The following OTOGL variants were observed in gnomAD, a reference collection of about 807,000 sequenced individuals.
OTOGL encodes the protein otogelin like.
A neutral mutation model predicts 318.5 loss-of-function variants in OTOGL; 285 were observed. The observed-to-expected ratio is 0.89, with a 90% confidence interval of 0.81 to 0.99. OTOGL has a LOEUF of 0.99. Among genes scored for constraint, OTOGL ranks in the 50% least tolerant of loss-of-function variants. The probability of loss-of-function intolerance (pLI) is 0.00; values close to 1 mark genes in which losing one functional copy is unlikely to be tolerated. For missense variants in OTOGL, 2,899 were observed against 2,845.6 expected (o/e 1.02, Z -0.43); for synonymous variants, 987 against 936.5 (o/e 1.05, Z -0.99).
At chr12:80,279,232 T>G in intron 26 of OTOGL, 66 bp downstream of exon 26, 2 of 1,387,748 alleles carry the variant, frequency 1.4e-6, no homozygotes, top group Non-Finnish European at 2.0e-6. Flanking sequence ...ACAAGTATGC[T>G]GGTCCCTGAT....
chr12:80,214,151 T>C (rs570855310), intron 4 of OTOGL, among the ~76,000 whole-genome samples: 1 of 152,354 alleles, frequency 6.6e-6, no homozygotes, highest in South Asian at 2.1e-4. Context: ...GGGACTTTTT[T>C]GCATTGGCAT....
At chr12:80,192,359 A>G (rs1176693759) in intron 1 of OTOGL, among the ~76,000 whole-genome samples, 2 of 152,226 alleles carry the variant, frequency 1.3e-5, no homozygotes, top group Non-Finnish European at 2.9e-5. Context: ...TGAGATGGCC[A>G]TAGCCTAAGA....
chr12:80,157,270 C>T (rs188805007), intron 1 of OTOGL, among the ~76,000 whole-genome samples: 8 of 152,082 alleles, frequency 5.3e-5, no homozygotes, highest in Non-Finnish European at 8.8e-5. Flanking sequence ...ATCTTTTGCC[C>T]GTTTTTAATG....
chr12:80,318,552 G>T lies in OTOGL; in HGVS notation c.3641G>T (p.Gly1214Val). The change falls in exon 33 of 59, where the codon GGA becomes GTA. Residue 1214 changes from glycine (G) to valine (V), a missense_variant. By Grantham distance (109) the Gly-to-Val change is moderately radical (BLOSUM62 -3). This residue lies in a region of OTOGL where 2,607 missense variants were observed against 2,524.9 expected (regional missense o/e 1.03). Coordinates refer to ENST00000547103, the MANE Select transcript of OTOGL (RefSeq NM_001378609.3). ...AATATTTATATTTAACTAGGACTTGGAGAAGGACCATATATGCTGGCAAGC... is the reference window on the plus strand; with the variant it reads ...AATATTTATATTTAACTAGGACTTGTAGAAGGACCATATATGCTGGCAAGC... ...LDCEYYNEGL[G>V]EGPYMLASYG... 7.6e-7 allele frequency: 1 copy of T among 1,313,756 alleles called. No homozygotes were observed. Among genetic ancestry groups the T allele is most frequent in the Non-Finnish European group, 9.8e-7 (1 of 1,021,682 alleles). The allele number at this position is 1,313,756 out of a possible 1,614,324, so 81.4% of individuals were successfully genotyped here.
At chr12:80,225,399 T>C (rs1426493835) in intron 7 of OTOGL, among the ~76,000 whole-genome samples, 1 of 152,160 alleles carries the variant, frequency 6.6e-6, no homozygotes, top group Non-Finnish European at 1.5e-5. Context: ...AGTTAGTAGA[T>C]ATTGTTTCTA....
rs1222716200 is a variant in OTOGL, at chr12:80,377,128, C to T, written c.6787C>T (p.Arg2263Ter). The change falls in exon 58 of 59, where the codon CGA becomes TGA. Residue 2263 changes from arginine to a stop codon, truncating the protein, a stop_gained. Transcript: ENST00000547103. LOFTEE classifies it high-confidence loss of function. The part of the protein sequence containing the change: ...YNEGCCKICK[R>*]EERICQKVII... The stretch of plus-strand genomic sequence containing the variant: ...TACATTTTATATTTTATCAGGCAAA[C>T]GAGAAGAAAGAATATGCCAGAAAGT... 33 of 1,601,112 alleles carry T rather than the reference C, an allele frequency of 2.1e-5. No individual in the cohort carries two copies. Among genetic ancestry groups the T allele is most frequent in the Admixed American group, 6.8e-5 (4 of 59,016 alleles).
intron 18 of OTOGL, 142 bp downstream of exon 18, chr12:80,258,144 G>T: frequency 1.3e-6 from 1 of 790,258 alleles, no homozygotes; most frequent in Non-Finnish European, 1.9e-6. Context: ...TATTTAAAAT[G>T]TATAGCAATC....
At chr12:80,288,861 A>G (rs1469847350) in intron 26 of OTOGL, among the ~76,000 whole-genome samples, 1 of 152,032 alleles carries the variant, frequency 6.6e-6, no homozygotes, top group Non-Finnish European at 1.5e-5. Flanking sequence ...TTTAGCTCTG[A>G]AGAGTTTGTT....
chr12:80,316,284 C>A (rs1175994098), intron 32 of OTOGL, among the ~76,000 whole-genome samples: 1 of 152,160 alleles, frequency 6.6e-6, no homozygotes, highest in East Asian at 1.9e-4. Flanking sequence ...AGACAACAAT[C>A]TGAGAAAATG....
Position 80,257,832 on chromosome 12 carries a change from T to A in OTOGL, c.1719T>A (p.Val573=), listed in dbSNP as rs544300801. ...PNQGFNLNGI[V]EIQTLSSLFI... ...TATGTTCTTTTCCTGCAGGTATTGT[T>A]GAAATTCAAACTCTGTCATCCTTAT... The change falls in exon 18 of 59, where the codon GTT becomes GTA. Residue 573 remains valine, a synonymous_variant. Coordinates refer to ENST00000547103, the MANE Select transcript of OTOGL (RefSeq NM_001378609.3). The A allele has an allele frequency of 6.3e-7, 1 of 1,574,854 alleles. No homozygotes were observed. The highest frequency in any genetic ancestry group is 2.2e-5 in the East Asian group (1 of 44,668).
intron 27 of OTOGL, 83 bp from the exon 28 acceptor site, chr12:80,302,551 G>C: frequency 1.1e-6 from 1 of 944,390 alleles, no homozygotes; most frequent in Non-Finnish European, 1.4e-6. Flanking sequence ...ATAGTTGTTG[G>C]TAAATGTTAA....
In OTOGL at chr12:80,372,365, C is replaced by T. The variant is rs12296609; in HGVS notation, c.6781+301C>T. Among the ~76,000 whole-genome samples the T allele has an allele frequency of 0.1, 15,900 of 151,704 alleles. 1,762 individuals carry two copies. The highest frequency in any genetic ancestry group is 0.28 in the African/African-American group (11,566 of 41,346). On this transcript the variant is annotated intron_variant, in intron 57 of 58. Transcript: ENST00000547103. ...TAATTTAAATATTTTTTTATTGTGGCATATTACAAAAGGTATTTCATAAGA... is the reference window on the plus strand; with the variant it reads ...TAATTTAAATATTTTTTTATTGTGGTATATTACAAAAGGTATTTCATAAGA...
At position 80,101,233 on chromosome 12, in the gene OTOGL, G is replaced by T. The variant is rs186023295; in HGVS notation, c.-20+1628G>T. Among the ~76,000 whole-genome samples, 7 of 152,300 alleles carry T rather than the reference G, an allele frequency of 4.6e-5. No homozygotes were observed. In the East Asian group the frequency reaches 1.3e-3, roughly 29 times the overall value. On this transcript the variant is annotated intron_variant, in intron 1 of 58. Coordinates refer to ENST00000547103, the MANE Select transcript of OTOGL (RefSeq NM_001378609.3). ...ACGTGAAAGGTTGATGTTTCCGCAA[G>T]AGTTCAAATACAATGGTGTGGTACA...
At chr12:80,169,918 C>CA (rs1476778393) in intron 1 of OTOGL, among the ~76,000 whole-genome samples, 4 of 152,146 alleles carry the variant, frequency 2.6e-5, no homozygotes, top group African/African-American at 9.7e-5. Context: ...CATTAAAGGA[C>CA]ATTTGAGTTA....
chr12:80,302,671 A>G lies in OTOGL; in HGVS notation c.3101A>G (p.Tyr1034Cys). The G allele has an allele frequency of 2.1e-6, 3 of 1,407,428 alleles. No individual in the cohort carries two copies. Among genetic ancestry groups the G allele is most frequent in the Non-Finnish European group, 2.8e-6 (3 of 1,078,726 alleles). The allele number at this position is 1,407,428 out of a possible 1,614,324, so 87.2% of individuals were successfully genotyped here. The change falls in exon 28 of 59, where the codon TAC becomes TGC. Residue 1034 changes from tyrosine (Y) to cysteine (C), a missense_variant. This residue lies in a region of OTOGL where 2,607 missense variants were observed against 2,524.9 expected (regional missense o/e 1.03). Transcript: ENST00000547103. ...TTTTTTCTGGAAAACAAATCTACCT[A>G]CCAGCTTTGGAAGGCTGGTTACTAT... ...SGFFLENKST[Y>C]QLWKAGYYIV...
chr12:80,236,380 T>A (rs1879845950), intron 9 of OTOGL, among the ~76,000 whole-genome samples: 1 of 152,192 alleles, frequency 6.6e-6, no homozygotes, highest in Non-Finnish European at 1.5e-5. Context: ...TTAATTTTAG[T>A]TTAGCAGGCT....
Position 80,242,470 on chromosome 12 carries a change from A to G in OTOGL, c.1052+3031A>G, listed in dbSNP as rs375595923. Among the ~76,000 whole-genome samples, 18 of 152,240 alleles carry G rather than the reference A, an allele frequency of 1.2e-4. No individual in the cohort carries two copies. The East Asian group carries it at 2.5e-3, about 21-fold the overall frequency. On this transcript the variant is annotated intron_variant, in intron 11 of 58. Transcript: ENST00000547103. ...CAGAGCCAGCCTTTCACTCCCCTCA[A>G]TATTTCATTCAGGGCTAGACCTATT...
At chr12:80,164,790 G>A (rs561852266) in intron 1 of OTOGL, among the ~76,000 whole-genome samples, 55 of 152,124 alleles carry the variant, frequency 3.6e-4, no homozygotes, top group Non-Finnish European at 7.1e-4. Flanking sequence ...CAGTGTACTA[G>A]TTCATTCTCA....
chr12:80,347,951 C>T (rs1889303266), intron 44 of OTOGL, among the ~76,000 whole-genome samples: 1 of 152,160 alleles, frequency 6.6e-6, no homozygotes, highest in Admixed American at 6.5e-5. Flanking sequence ...ATCCTTCACC[C>T]ACTTTTTGAT....
Sources: gnomAD v4.1 joint callset for allele counts (sites outside exome capture counted in the v4.1 genomes callset) on GRCh38, gnomAD v4.1.1 for gene constraint, gnomAD v4.1.1 regional missense constraint, MANE v1.5 for transcripts, NCBI Gene and HGNC (gene_info 2026-07-23, HGNC 2026-07-21) for gene names.